NRXN3: variants seen among roughly 807,000 people sequenced by gnomAD.
The protein encoded by NRXN3 is neurexin 3.
NRXN3 carries 32 observed loss-of-function variants against 137.6 expected under a neutral mutation model. That is an observed-to-expected ratio of 0.23 (90% confidence interval 0.18 to 0.31). The LOEUF is 0.31. NRXN3 is among the 10% of genes least tolerant of loss of function. NRXN3 has a pLI of 1.00. For synonymous variants in NRXN3, 798 were observed against 784.5 expected, an observed-to-expected ratio of 1.02 and a Z score of -0.29; for missense variants, 1,574 against 2,062.5, an observed-to-expected ratio of 0.76 and a Z score of 4.59.
intron 20 of NRXN3, among the ~76,000 whole-genome samples, chr14:79,815,911 A>G (rs1004995849): frequency 6.6e-6 from 1 of 152,140 alleles, no homozygotes; most frequent in South Asian, 2.1e-4. Flanking sequence ...TAAGTTTTTA[A>G]TTACCTGTTT....
At chr14:78,896,970 T>C (rs1382388666) in intron 10 of NRXN3, among the ~76,000 whole-genome samples, 6 of 151,890 alleles carry the variant, frequency 4.0e-5, no homozygotes, top group Non-Finnish European at 8.8e-5. Flanking sequence ...CTATGATTTG[T>C]GGACCAAATC....
At chr14:79,519,485 T>C (rs1035603832) in intron 16 of NRXN3, among the ~76,000 whole-genome samples, 28 of 152,206 alleles carry the variant, frequency 1.8e-4, no homozygotes, top group Admixed American at 1.8e-3. Context: ...AATTTTGTAT[T>C]AAAAATATTG....
chr14:78,635,614 C>T (rs953344830), intron 4 of NRXN3, among the ~76,000 whole-genome samples: 1 of 152,142 alleles, frequency 6.6e-6, no homozygotes, highest in Non-Finnish European at 1.5e-5. Context: ...TCCCTCCTAA[C>T]ATTTTTGTCC....
At chr14:79,095,898 T>G (rs981203903) in intron 15 of NRXN3, among the ~76,000 whole-genome samples, 1 of 152,120 alleles carries the variant, frequency 6.6e-6, no homozygotes, top group African/African-American at 2.4e-5. Context: ...TATGAGTATT[T>G]TGTTATAAAA....
At chr14:79,460,121 G>A (rs1453893928) in intron 15 of NRXN3, among the ~76,000 whole-genome samples, 2 of 152,110 alleles carry the variant, frequency 1.3e-5, no homozygotes, top group African/African-American at 2.4e-5. Context: ...CAGAAACTAT[G>A]TGCGTGTGTA....
chr14:78,571,935 C>A (rs1307319952), intron 4 of NRXN3, among the ~76,000 whole-genome samples: 1 of 152,142 alleles, frequency 6.6e-6, no homozygotes, highest in Non-Finnish European at 1.5e-5. Context: ...TTATGCTGAG[C>A]AAATGTATAC....
At chr14:78,539,056 G>A (rs532102544) in intron 4 of NRXN3, among the ~76,000 whole-genome samples, 1 of 152,306 alleles carries the variant, frequency 6.6e-6, no homozygotes, top group Non-Finnish European at 1.5e-5. Context: ...GTTCATCAGG[G>A]ATATTGGTCT....
At chr14:78,175,732 C>T (rs1165603046) in intron 1 of NRXN3, among the ~76,000 whole-genome samples, 1 of 152,122 alleles carries the variant, frequency 6.6e-6, no homozygotes, top group African/African-American at 2.4e-5. Flanking sequence ...TGGATGGGGC[C>T]CACTCCCAGC....
chr14:79,803,112 C>A (rs144361460), intron 19 of NRXN3, among the ~76,000 whole-genome samples: 3 of 152,124 alleles, frequency 2.0e-5, no homozygotes, highest in African/African-American at 7.2e-5. Flanking sequence ...ATACCCCTTT[C>A]AGATGTAGAA....
intron 4 of NRXN3, among the ~76,000 whole-genome samples, chr14:78,516,546 G>A (rs979997681): frequency 9.2e-5 from 14 of 151,572 alleles, no homozygotes; most frequent in Admixed American, 8.6e-4. Flanking sequence ...TAGTGAGATT[G>A]CAGGGGGCTT....
chr14:78,535,644 G>A (rs1342940295), intron 4 of NRXN3, among the ~76,000 whole-genome samples: 3 of 152,174 alleles, frequency 2.0e-5, no homozygotes, highest in East Asian at 1.9e-4. Flanking sequence ...TAAAAAGTCC[G>A]AAGGATGATA....
At chr14:79,582,903 G>A (rs1179558090) in intron 16 of NRXN3, among the ~76,000 whole-genome samples, 2 of 152,124 alleles carry the variant, frequency 1.3e-5, no homozygotes, top group African/African-American at 4.8e-5. Flanking sequence ...TTTTATTACT[G>A]GTACTTGCCT....
intron 17 of NRXN3, among the ~76,000 whole-genome samples, chr14:79,683,575 T>C (rs1306049544): frequency 5.9e-5 from 9 of 152,098 alleles, no homozygotes; most frequent in Non-Finnish European, 1.2e-4. Flanking sequence ...ATAATAAAAG[T>C]AAAATTTATT....
intron 16 of NRXN3, among the ~76,000 whole-genome samples, chr14:79,479,768 C>T (rs996180300): frequency 6.6e-6 from 1 of 152,118 alleles, no homozygotes; most frequent in African/African-American, 2.4e-5. Context: ...CTAATTACCC[C>T]CAAGCCACTT....
chr14:79,601,563 C>T (rs1352335486), intron 16 of NRXN3, among the ~76,000 whole-genome samples: 1 of 152,136 alleles, frequency 6.6e-6, no homozygotes, highest in African/African-American at 2.4e-5. Context: ...CCTGAACAAG[C>T]CCCCCTTGCT....
At chr14:79,857,676 A>G (rs1377934406) in intron 20 of NRXN3, among the ~76,000 whole-genome samples, 1 of 152,032 alleles carries the variant, frequency 6.6e-6, no homozygotes, top group African/African-American at 2.4e-5. Context: ...CAACATATAC[A>G]CTTGTCCCAG....
chr14:79,242,697 A>G (rs1432734896), intron 15 of NRXN3, among the ~76,000 whole-genome samples: 1 of 152,146 alleles, frequency 6.6e-6, no homozygotes, highest in African/African-American at 2.4e-5. Flanking sequence ...GTCATTAGGA[A>G]GTGTGAGGCA....
At chr14:78,468,058 C>T (rs561399224) in intron 4 of NRXN3, among the ~76,000 whole-genome samples, 166 of 151,968 alleles carry the variant, frequency 1.1e-3, no homozygotes, top group African/African-American at 3.4e-3. Context: ...TGAGTAGCTG[C>T]GATTACAGGG....
intron 15 of NRXN3, among the ~76,000 whole-genome samples, chr14:79,242,979 A>G (rs1042639360): frequency 6.6e-5 from 10 of 152,302 alleles, no homozygotes; most frequent in Non-Finnish European, 1.0e-4. Flanking sequence ...GAAAAACAAA[A>G]TCCCAGAAGA....
Sources: gnomAD v4.1 joint callset for allele counts (sites outside exome capture counted in the v4.1 genomes callset) on GRCh38, gnomAD v4.1.1 for gene constraint, MANE v1.5 for transcripts, NCBI Gene and HGNC (gene_info 2026-07-23, HGNC 2026-07-21) for gene names.